A2ML1: variants seen among roughly 807,000 people sequenced by gnomAD.
The protein encoded by A2ML1 is alpha-2-macroglobulin like 1.
A neutral mutation model predicts 181.9 loss-of-function variants in A2ML1; 161 were observed. The ratio of observed to expected loss-of-function variants is 0.89; its 90% CI spans 0.78 to 1.01. The LOEUF (loss-of-function observed/expected upper bound fraction) is 1.01, where lower values mean the gene tolerates loss of function less well. Among genes scored for constraint, A2ML1 ranks in the 50% least tolerant of loss-of-function variants. A2ML1 has a pLI of 0.00. For synonymous variants in A2ML1, 663 were observed against 666.8 expected (o/e 0.99, Z 0.09); for missense variants, 1,670 against 1,768.1 (o/e 0.94, Z 1.00).
At chr12:8,838,855 C>T (rs1448831094) in intron 9 of A2ML1, among the ~76,000 whole-genome samples, 1 of 147,850 alleles carries the variant, frequency 6.8e-6, no homozygotes, top group East Asian at 2.0e-4. Flanking sequence ...GTGGAGCTTG[C>T]AGTGAGCCGA....
In A2ML1 at chr12:8,866,069, G is replaced by A. The variant is rs780276073; in HGVS notation, c.3718-1773G>A. ...GTGGTGGCTCACGCCTGTAATCCCA[G>A]CACTTTGGGAGGCCGAGGCAGGTGG... On this transcript the variant is annotated intron_variant, in intron 29 of 35. Transcript: ENST00000299698. Among the ~76,000 whole-genome samples, 8 of 152,088 alleles carry A rather than the reference G, an allele frequency of 5.3e-5. No homozygotes were observed. The East Asian group carries it at 1.6e-3, about 29-fold the overall frequency.
chr12:8,854,626 G>A (rs1035460651), intron 21 of A2ML1, among the ~76,000 whole-genome samples, 154 bp from the exon 22 acceptor site: 19 of 120,028 alleles, frequency 1.6e-4, no homozygotes, highest in Non-Finnish European at 3.1e-4. Context: ...TTGGGTTGAC[G>A]CAGAGTTCTT....
chr12:8,868,438 CTGTGTATGTGTGTG>C (rs1944501559), intron 31 of A2ML1, 81 bp downstream of exon 31: 1 of 1,563,442 alleles, frequency 6.4e-7, no homozygotes, highest in Admixed American at 1.8e-5. Flanking sequence ...GTGTGTGTGT[CTGTGTATGTGTGTG>C]TGTACGTGTG....
At chr12:8,860,544 G>A (rs902922309) in intron 26 of A2ML1, among the ~76,000 whole-genome samples, 1 of 152,118 alleles carries the variant, frequency 6.6e-6, no homozygotes, top group African/African-American at 2.4e-5. Context: ...CAGATGCGGT[G>A]ATGCGGCAGA....
rs766960224 is a variant in A2ML1, at chr12:8,839,228, T to C, written c.1080+6T>C. The C allele has an allele frequency of 3.7e-6, 6 of 1,606,642 alleles. No individual in the cohort carries two copies. Among genetic ancestry groups the C allele is most frequent in the Non-Finnish European group, 1.7e-6 (2 of 1,174,314 alleles). ...ATTTCCCCTTCAGTGGGAAGGTATG[T>C]TAAAACTTTTCTCTGCATAGACAAA... On this transcript the variant is annotated splice_donor_region_variant and intron_variant, in intron 10 of 35. Coordinates refer to ENST00000299698, the MANE Select transcript of A2ML1 (RefSeq NM_144670.6).
At position 8,839,534 on chromosome 12, in the gene A2ML1, TAGA is replaced by T. The variant is rs60993517; in HGVS notation, c.1080+318_1080+320del. Among the ~76,000 whole-genome samples, 116,616 of 151,582 alleles carry T rather than the reference TAGA, an allele frequency of 0.77. 46,139 individuals carry two copies. The highest frequency in any genetic ancestry group is 1 in the East Asian group (5,141 of 5,146). On this transcript the variant is annotated intron_variant, in intron 10 of 35. Transcript: ENST00000299698. ...CCTGTACTCTGCTGCCCCAATCCCA[TAGA>T]AGAAGTGCCTTGAATATTAATGACA...
At position 8,852,451 on chromosome 12, in the gene A2ML1, AT is replaced by A; in HGVS notation, c.2590+120del. The A allele has an allele frequency of 6.8e-7, 1 of 1,470,420 alleles. No homozygotes were observed. The highest frequency in any genetic ancestry group is 9.3e-7 in the Non-Finnish European group (1 of 1,078,670). 91.1% of individuals were successfully genotyped at this position (1,470,420 alleles called of 1,614,324 possible). ...TTTGCTTCCTCCTCCATTTTCCACT[AT>A]TTTTCTCCCTCCTAAGGCTGTTATA... On this transcript the variant is annotated intron_variant, in intron 20 of 35. Coordinates refer to ENST00000299698, the MANE Select transcript of A2ML1 (RefSeq NM_144670.6). The surrounding 1 kb of genome is among the most constrained non-coding windows in gnomAD (Gnocchi z 4.2).
At chr12:8,845,789 G>T (rs1943653342) in intron 13 of A2ML1, among the ~76,000 whole-genome samples, 1 of 151,356 alleles carries the variant, frequency 6.6e-6, no homozygotes, top group Non-Finnish European at 1.5e-5. Context: ...GGCGGAGCTT[G>T]CAGTGAGCCG....
downstream of A2ML1, among the ~76,000 whole-genome samples, chr12:8,876,956 A>G (rs7294406): frequency 0.22 from 33,834 of 152,082 alleles, 4,152 homozygotes; most frequent in Middle Eastern, 0.34. Context: ...GAGAATTTTA[A>G]TTATGGGGCT....
intron 12 of A2ML1, 72 bp downstream of exon 12, chr12:8,843,433 G>T: frequency 1.4e-6 from 2 of 1,456,882 alleles, no homozygotes; most frequent in South Asian, 1.3e-5. Context: ...CAGCCAGAGG[G>T]TGCACCTAGG....
At chr12:8,860,784 T>A in intron 26 of A2ML1, 97 bp from the exon 27 acceptor site, 1 of 977,508 alleles carries the variant, frequency 1.0e-6, no homozygotes, top group Non-Finnish European at 1.6e-6. Context: ...TTAAAAATTA[T>A]TCATCTATTC....
At chr12:8,880,294 A>G (rs377328899), downstream of A2ML1, among the ~76,000 whole-genome samples, 474 of 152,276 alleles carry the variant, frequency 3.1e-3, 3 homozygotes, top group African/African-American at 0.011. Context: ...TGCATCTGAG[A>G]GGTGGAGGTT....
chr12:8,881,682 T>C (rs9669677), downstream of A2ML1, among the ~76,000 whole-genome samples: 3,652 of 152,218 alleles, frequency 0.024, 135 homozygotes, highest in African/African-American at 0.083. Context: ...GGTACAGATA[T>C]AGAAAGAGAG....
In A2ML1 at chr12:8,854,115, T is replaced by C; in HGVS notation, c.2591-13T>C. The C allele has an allele frequency of 6.4e-7, 1 of 1,567,990 alleles. No individual in the cohort carries two copies. Among genetic ancestry groups the C allele is most frequent in the East Asian group, 2.3e-5 (1 of 43,428 alleles). ...GCAATAGGGCTAATGGCTTCCCTTC[T>C]TCTTTCTCTCAGGTCACATTAACTT... On this transcript the variant is annotated splice_polypyrimidine_tract_variant and intron_variant, in intron 20 of 35. Transcript: ENST00000299698.
Position 8,823,170 on chromosome 12 carries a change from C to T in A2ML1, c.63-12C>T. The stretch of plus-strand genomic sequence containing the variant: ...TCATTATTGCCCTGAAATCCTTCTG[C>T]TCCTTTAATAGAAACTACCTGGTGA... On this transcript the variant is annotated splice_polypyrimidine_tract_variant and intron_variant, in intron 1 of 35. Transcript: ENST00000299698. The T allele has an allele frequency of 6.2e-7, 1 of 1,611,028 alleles. No individual in the cohort carries two copies. The highest frequency in any genetic ancestry group is 8.5e-7 in the Non-Finnish European group (1 of 1,178,750).
rs1408803970 is a variant in A2ML1 at position 8,823,177 on chromosome 12, A to C, written c.63-5A>C. On this transcript the variant is annotated splice_polypyrimidine_tract_variant and splice_region_variant and intron_variant, in intron 1 of 35. Transcript: ENST00000299698. ...TGCCCTGAAATCCTTCTGCTCCTTTAATAGAAACTACCTGGTGACATTACC... is the reference window on the plus strand; with the variant it reads ...TGCCCTGAAATCCTTCTGCTCCTTTCATAGAAACTACCTGGTGACATTACC... 1 of 1,612,296 alleles carries C rather than the reference A, an allele frequency of 6.2e-7. No individual in the cohort carries two copies. The highest frequency in any genetic ancestry group is 1.3e-5 in the African/African-American group (1 of 74,938).
intron 10 of A2ML1, 65 bp downstream of exon 10, chr12:8,839,287 G>A: frequency 8.8e-7 from 1 of 1,136,278 alleles, no homozygotes; most frequent in Non-Finnish European, 1.3e-6. Context: ...CCTCCTTCCT[G>A]CAGCCATAGC....
intron 35 of A2ML1, 93 bp downstream of exon 35, chr12:8,875,105 G>T: frequency 7.1e-7 from 1 of 1,404,768 alleles, no homozygotes; most frequent in Non-Finnish European, 1.0e-6. Flanking sequence ...GTCTTTTTTT[G>T]AGATAGAGTC....
chr12:8,823,749 A>C lies in A2ML1; in HGVS notation c.276A>C (p.Glu92Asp). The C allele has an allele frequency of 6.2e-7, 1 of 1,613,624 alleles. No homozygotes were observed. The highest frequency in any genetic ancestry group is 8.5e-7 in the Non-Finnish European group (1 of 1,179,782). Reference sequence around the variant, plus strand: ...CACCTCCTGCTGGTGGCACAGAAGAAGTGGCCACAATCCGGGTGTCGGGAG... The same window carrying C: ...CACCTCCTGCTGGTGGCACAGAAGACGTGGCCACAATCCGGGTGTCGGGAG... The part of the protein sequence containing the change: ...LVPPPAGGTE[E>D]VATIRVSGVG... The change falls in exon 3 of 36, where the codon GAA (glutamate) becomes GAC (aspartate). Residue 92 changes from glutamate to aspartate, a missense_variant. By Grantham distance (45) the Glu-to-Asp change is conservative (BLOSUM62 2). Coordinates refer to ENST00000299698, the MANE Select transcript of A2ML1 (RefSeq NM_144670.6).
Sources: gnomAD v4.1 joint callset for allele counts (sites outside exome capture counted in the v4.1 genomes callset) on GRCh38, gnomAD v4.1.1 for gene constraint, Gnocchi (gnomAD v3.1) non-coding constraint, MANE v1.5 for transcripts, NCBI Gene and HGNC (gene_info 2026-07-23, HGNC 2026-07-21) for gene names.